The following GPX6 variants were observed in gnomAD, a reference collection of about 807,000 sequenced individuals.
GPX6 encodes the protein glutathione peroxidase 6.
GPX6 carries 21 observed loss-of-function variants against 20.0 expected under a neutral mutation model. That is an observed-to-expected ratio of 1.05 (90% confidence interval 0.74 to 1.51). The LOEUF (loss-of-function observed/expected upper bound fraction) is 1.51. Ranked by LOEUF, GPX6 falls within the 40% of genes most tolerant of loss-of-function variation. GPX6 has a pLI of 0.00. For missense variants in GPX6, 233 were observed against 254.7 expected (o/e 0.91, Z 0.58); for synonymous variants, 75 against 98.0 (o/e 0.77, Z 1.38).
intron 1 of GPX6, among the ~76,000 whole-genome samples, chr6:28,513,361 T>C (rs1762948461): frequency 6.6e-6 from 1 of 152,146 alleles, no homozygotes. Flanking sequence ...AAACATTCAC[T>C]CCTAGACACT....
chr6:28,503,977 G>T lies in GPX6; in HGVS notation c.*315C>A. On this transcript the variant is annotated 3_prime_UTR_variant, in exon 5 of 5. Transcript: ENST00000361902. The stretch of plus-strand genomic sequence containing the variant: ...ATTTTCCTTTGGAATAGATATTTCA[G>T]GATCAGAGAGTTGGAGAGATAGGTG... 1 of 290,620 alleles carries T rather than the reference G, an allele frequency of 3.4e-6. No homozygotes were observed. The allele number at this position is 290,620 out of a possible 1,614,324, so 18.0% of individuals were successfully genotyped here.
intron 1 of GPX6, among the ~76,000 whole-genome samples, chr6:28,512,826 G>C (rs1164846541): frequency 6.6e-6 from 1 of 151,516 alleles, no homozygotes; most frequent in Non-Finnish European, 1.5e-5. Context: ...CAGACGCGCT[G>C]CCTTAAGAGC....
At chr6:28,513,905 C>T (rs1275163815) in intron 1 of GPX6, among the ~76,000 whole-genome samples, 2 of 151,800 alleles carry the variant, frequency 1.3e-5, no homozygotes, top group East Asian at 3.8e-4. Flanking sequence ...ACAGCTTCTC[C>T]TTCATTATCC....
intron 1 of GPX6, among the ~76,000 whole-genome samples, chr6:28,513,967 C>T (rs1762976921): frequency 6.6e-6 from 1 of 152,252 alleles, no homozygotes; most frequent in Admixed American, 6.5e-5. Context: ...GTCCATATTT[C>T]TGTACACATC....
Position 28,512,823 on chromosome 6 carries a change from G to C in GPX6, c.88-1919C>G, listed in dbSNP as rs192952439. Among the ~76,000 whole-genome samples the C allele has an allele frequency of 1.4e-4, 21 of 151,762 alleles. No homozygotes were observed. In the East Asian group the frequency reaches 4.1e-3, roughly 29 times the overall value. ...GGGAGGAATGAACAACTCCAGACGC[G>C]CTGCCTTAAGAGCTGTAACACTGAC... On this transcript the variant is annotated intron_variant, in intron 1 of 4. Transcript: ENST00000361902.
chr6:28,511,436 G>C (rs1402875706), intron 1 of GPX6, among the ~76,000 whole-genome samples: 2 of 152,226 alleles, frequency 1.3e-5, no homozygotes, highest in East Asian at 3.8e-4. Flanking sequence ...GGAAGTGCTG[G>C]GTAGAGAAAG....
At chr6:28,514,351 C>A (rs368028256) in intron 1 of GPX6, among the ~76,000 whole-genome samples, 10 of 152,328 alleles carry the variant, frequency 6.6e-5, no homozygotes, top group Admixed American at 5.2e-4. Context: ...TTGCTTACAT[C>A]TGTTTGAAGA....
rs974334 is a variant in GPX6 at position 28,506,441 on chromosome 6, C to T, written c.242-12G>A. Reference sequence around the variant, plus strand: ...TAGTGCATTCAGTTCTGTAAGTGGACAATGAATAGCAGGGGTGGGCTGGTC... The same window carrying T: ...TAGTGCATTCAGTTCTGTAAGTGGATAATGAATAGCAGGGGTGGGCTGGTC... On this transcript the variant is annotated splice_polypyrimidine_tract_variant and intron_variant, in intron 2 of 4. Transcript: ENST00000361902. The T allele has an allele frequency of 1.3e-6, 2 of 1,511,930 alleles. No individual in the cohort carries two copies. The highest frequency in any genetic ancestry group is 1.4e-5 in the African/African-American group (1 of 73,130). The allele number at this position is 1,511,930 out of a possible 1,614,324, so 93.7% of individuals were successfully genotyped here.
intron 1 of GPX6, among the ~76,000 whole-genome samples, chr6:28,512,246 G>A (rs34668037): frequency 0.086 from 13,139 of 152,350 alleles, 674 homozygotes; most frequent in African/African-American, 0.11. Context: ...AGCCAGCTGG[G>A]CTCCTGAGTC....
chr6:28,512,987 G>C (rs933159400), intron 1 of GPX6, among the ~76,000 whole-genome samples: 7 of 152,062 alleles, frequency 4.6e-5, no homozygotes, highest in Admixed American at 3.3e-4. Context: ...CTGCCTTAAA[G>C]AACTGGGTTT....
chr6:28,510,834 T>A lies in GPX6; in HGVS notation c.158A>T (p.Tyr53Phe). 6.2e-7 allele frequency: 1 copy of A among 1,614,138 alleles called. No homozygotes were observed. Among genetic ancestry groups the A allele is most frequent in the Non-Finnish European group, 8.5e-7 (1 of 1,179,992 alleles). Residue 53 changes from tyrosine (Y) to phenylalanine (F), a missense_variant, in exon 2 of 5, where the codon TAC becomes TTC. Physicochemically the swap from Tyr to Phe is conservative, Grantham distance 22 (BLOSUM62 3). Coordinates refer to ENST00000361902, the MANE Select transcript of GPX6 (RefSeq NM_182701.1). ...YGALTLNGEE[Y>F]IQFKQFAGKH... ...GCCTGCAAACTGCTTGAATTGGATG[T>A]ACTCCTCGCCGTTGAGGGTGAGGGC...
At chr6:28,513,010 CAGTG>C (rs1297237354) in intron 1 of GPX6, among the ~76,000 whole-genome samples, 2 of 151,662 alleles carry the variant, frequency 1.3e-5, no homozygotes, top group Admixed American at 1.3e-4. Flanking sequence ...TTCTTGAAGT[CAGTG>C]AGGCCAAAAA....
chr6:28,513,660 T>C (rs1018403994), intron 1 of GPX6, among the ~76,000 whole-genome samples: 2 of 152,158 alleles, frequency 1.3e-5, no homozygotes, highest in Non-Finnish European at 2.9e-5. Context: ...ATAAAAGGCA[T>C]ACAGAACCTG....
chr6:28,511,038 G>A, intron 1 of GPX6, 134 bp from the exon 2 acceptor site: 2 of 762,342 alleles, frequency 2.6e-6, no homozygotes, highest in Non-Finnish European at 1.9e-6. Context: ...ATCTTTCCAA[G>A]TAAAATTTTT....
chr6:28,512,577 G>A (rs915171267), intron 1 of GPX6, among the ~76,000 whole-genome samples: 1 of 152,198 alleles, frequency 6.6e-6, no homozygotes, highest in East Asian at 1.9e-4. Flanking sequence ...CAATCAGCAG[G>A]ATGTGGGTGT....
chr6:28,511,125 G>A (rs1224531336), intron 1 of GPX6, among the ~76,000 whole-genome samples: 1 of 152,118 alleles, frequency 6.6e-6, no homozygotes, highest in Admixed American at 6.5e-5. Flanking sequence ...GGCAAGACAA[G>A]CATTTCATAA....
At chr6:28,512,424 G>A (rs1207231285) in intron 1 of GPX6, among the ~76,000 whole-genome samples, 1 of 152,062 alleles carries the variant, frequency 6.6e-6, no homozygotes, top group Non-Finnish European at 1.5e-5. Context: ...CTCTGGTGGG[G>A]ACATGGAGAA....
rs545644548 is a variant in GPX6, at chr6:28,512,920, C to G, written c.88-2016G>C. 3.9e-5 allele frequency among the ~76,000 whole-genome samples: 6 copies of G among 152,190 alleles called. No homozygotes were observed. The South Asian group carries it at 1.0e-3, about 26-fold the overall frequency. On this transcript the variant is annotated intron_variant, in intron 1 of 4. Transcript: ENST00000361902. Reference sequence around the variant, plus strand: ...TGAGCCAGCAAGACCACAAACCCGCCAGAAGGAACAAACTCTGAACACATC... The same window carrying G: ...TGAGCCAGCAAGACCACAAACCCGCGAGAAGGAACAAACTCTGAACACATC...
At chr6:28,514,305 C>T (rs1344360845) in intron 1 of GPX6, among the ~76,000 whole-genome samples, 1 of 152,168 alleles carries the variant, frequency 6.6e-6, no homozygotes, top group Admixed American at 6.5e-5. Context: ...TCGAAGAGCT[C>T]AATCCTTCCT....
Sources: allele counts gnomAD v4.1 joint callset (sites outside exome capture counted in the v4.1 genomes callset), GRCh38; gene constraint gnomAD v4.1.1; transcripts MANE v1.5; gene names NCBI Gene and HGNC (gene_info 2026-07-23, HGNC 2026-07-21).